STK26: variants seen among roughly 807,000 people sequenced by gnomAD.
STK26 encodes serine/threonine kinase 26.
A neutral mutation model predicts 34.7 loss-of-function variants in STK26; 14 were observed. The ratio of observed to expected loss-of-function variants is 0.40; its 90% CI spans 0.27 to 0.63. The LOEUF (loss-of-function observed/expected upper bound fraction) is 0.63, where lower values mean the gene tolerates loss of function less well. Among genes scored for constraint, STK26 ranks in the 30% least tolerant of loss-of-function variants. The probability of loss-of-function intolerance (pLI) is 0.38; values close to 1 mark genes in which losing one functional copy is unlikely to be tolerated. For missense variants in STK26, 226 were observed against 309.1 expected, an observed-to-expected ratio of 0.73 and a Z score of 2.02; for synonymous variants, 100 against 109.8, an observed-to-expected ratio of 0.91 and a Z score of 0.56.
At chrX:132,068,180 ATATGTG>A in intron 4 of STK26, 29 bp from the exon 5 acceptor site, 1 of 1,076,003 alleles carries the variant, frequency 9.3e-7, no homozygotes, top group Non-Finnish European at 1.3e-6. Context: ...ACTTTTACAC[ATATGTG>A]TATGTGTGTG....
In STK26 at chrX:132,072,948, C is replaced by CT; in HGVS notation, c.1090-6dup. The CT allele has an allele frequency of 8.3e-7, 1 of 1,207,402 alleles. No individual in the cohort carries two copies. Among genetic ancestry groups the CT allele is most frequent in the African/African-American group, 1.7e-5 (1 of 57,507 alleles). ...TATTTTAAATGTTTTAACTATTATT[C>CT]TTTCTCAGCTTAAACAGCAGGACGA... On this transcript the variant is annotated splice_polypyrimidine_tract_variant and intron_variant, in intron 10 of 11. Transcript: ENST00000394334.
intron 2 of STK26, among the ~76,000 whole-genome samples, chrX:132,035,366 T>G: frequency 9.0e-6 from 1 of 111,657 alleles, no homozygotes; most frequent in Non-Finnish European, 1.9e-5. Context: ...TAGTTATCAT[T>G]GGCCCATGTG....
intron 3 of STK26, among the ~76,000 whole-genome samples, chrX:132,056,596 G>T (rs1926867415): frequency 9.0e-6 from 1 of 111,266 alleles, no homozygotes; most frequent in Admixed American, 9.5e-5. Flanking sequence ...GTCTGCTTGT[G>T]GGCCCACTTG....
At chrX:132,024,463 A>G (rs772299059) in intron 2 of STK26, among the ~76,000 whole-genome samples, 7 of 111,762 alleles carry the variant, frequency 6.3e-5, no homozygotes, top group Non-Finnish European at 1.1e-4. Context: ...AAAACTTTTT[A>G]TGCTGTTATG....
chrX:132,037,656 G>A (rs1390788481), intron 2 of STK26, among the ~76,000 whole-genome samples: 2 of 109,612 alleles, frequency 1.8e-5, no homozygotes, highest in African/African-American at 6.6e-5. Context: ...TTATTTTGAA[G>A]CTCAAGTTGT....
rs766997625 is a variant in STK26, at chrX:132,069,576, C to T, written c.696C>T (p.Pro232=). The T allele has an allele frequency of 5.9e-6, 7 of 1,183,477 alleles. No homozygotes were observed. The highest frequency in any genetic ancestry group is 7.9e-6 in the Non-Finnish European group (7 of 881,461). ...CAATGAGAGTTCTGTTTCTTATTCC[C>T]AAAAACAATCCTCCAACTCTTGTTG... ...MHPMRVLFLI[P]KNNPPTLVGD... The change falls in exon 7 of 12, where the codon CCC becomes CCT. Residue 232 remains proline (P), a synonymous_variant. Transcript: ENST00000394334.
intron 9 of STK26, 131 bp downstream of exon 9, chrX:132,072,492 C>A: frequency 1.8e-6 from 1 of 541,917 alleles, no homozygotes; most frequent in Non-Finnish European, 3.0e-6. Context: ...TTGTAGTATG[C>A]TTCATTTGTC....
At chrX:132,068,381 T>G in intron 5 of STK26, 31 bp from the exon 6 acceptor site, 1 of 1,180,933 alleles carries the variant, frequency 8.5e-7, no homozygotes, top group Non-Finnish European at 1.1e-6. Flanking sequence ...GCAAGCTGAG[T>G]TTTTTTTTGC....
At chrX:132,031,925 C>T (rs183906123) in intron 2 of STK26, among the ~76,000 whole-genome samples, 1 of 111,849 alleles carries the variant, frequency 8.9e-6, no homozygotes, top group Non-Finnish European at 1.9e-5. Flanking sequence ...ACTCTACCCA[C>T]GATCCCCTTT....
rs61494612 is a variant in STK26, at chrX:132,035,832, T to TACACACACAC, written c.42+12208_42+12217dup. Among the ~76,000 whole-genome samples the TACACACACAC allele has an allele frequency of 4.9e-3, 386 of 78,196 alleles. 2 individuals carry two copies. Among genetic ancestry groups the TACACACACAC allele is most frequent in the South Asian group, 0.025 (32 of 1,274 alleles). 67.9% of individuals were successfully genotyped at this position (78,196 alleles called of 115,157 possible). A position where few individuals can be genotyped will look rare whatever the true frequency, so the allele number is the denominator to read the frequency against. On this transcript the variant is annotated intron_variant, in intron 2 of 11. Transcript: ENST00000394334. ...ACCAGACTTAATAGCTCTGGCTGCA[T>TACACACACAC]ACACACACACACACACACACACACA...
intron 2 of STK26, among the ~76,000 whole-genome samples, chrX:132,033,794 G>A (rs1050670817): frequency 2.7e-5 from 3 of 111,095 alleles, no homozygotes; most frequent in Non-Finnish European, 5.7e-5. Flanking sequence ...GAGTCCTTGA[G>A]CTCAAGAAGT....
At chrX:132,058,905 A>G (rs1860232651) in intron 3 of STK26, among the ~76,000 whole-genome samples, 1 of 109,295 alleles carries the variant, frequency 9.1e-6, no homozygotes, top group South Asian at 3.9e-4. Flanking sequence ...AAGTAAATAA[A>G]TCTGTGTGTA....
Position 132,069,410 on chromosome X carries a change from C to CATATAT in STK26, c.598-31_598-26dup, listed in dbSNP as rs57609807. On this transcript the variant is annotated intron_variant, in intron 6 of 11. Transcript: ENST00000394334. ...TTTCAAGGTGATATACATACATACACATATATATATATATATATATATATA... is the reference window on the plus strand; with the variant it reads ...TTTCAAGGTGATATACATACATACACATATATATATATATATATATATATATATATA... 900 of 93,587 alleles carry CATATAT rather than the reference C, an allele frequency of 9.6e-3. 6 individuals are homozygous for CATATAT. The highest frequency in any genetic ancestry group is 0.011 in the Non-Finnish European group (658 of 58,732). The allele number at this position is 93,587 out of a possible 1,213,427, so 7.7% of individuals were successfully genotyped here.
chrX:132,025,564 C>G (rs1386520744), intron 2 of STK26, among the ~76,000 whole-genome samples: 3 of 110,034 alleles, frequency 2.7e-5, no homozygotes, highest in Admixed American at 1.9e-4. Context: ...GCCTTTCACT[C>G]TGTGCCCTCT....
At chrX:132,055,525 G>C in intron 3 of STK26, 1 of 1,145,999 alleles carries the variant, frequency 8.7e-7, no homozygotes, top group Non-Finnish European at 1.2e-6. Flanking sequence ...AAAACTGGTT[G>C]GTAAAACCCA....
chrX:132,027,741 G>A (rs951386931), intron 2 of STK26, among the ~76,000 whole-genome samples: 6 of 111,793 alleles, frequency 5.4e-5, no homozygotes, highest in African/African-American at 2.0e-4. Flanking sequence ...TCTGAGTAAG[G>A]GAGACTCAAT....
intron 2 of STK26, among the ~76,000 whole-genome samples, chrX:132,037,150 T>C (rs1326287441): frequency 8.9e-6 from 1 of 112,417 alleles, no homozygotes; most frequent in Non-Finnish European, 1.9e-5. Flanking sequence ...TGTAGAATTC[T>C]TTACCTCATT....
intron 9 of STK26, 48 bp from the exon 10 acceptor site, chrX:132,072,765 G>T: frequency 8.9e-7 from 1 of 1,128,586 alleles, no homozygotes; most frequent in South Asian, 1.9e-5. Flanking sequence ...AGAAAATCAT[G>T]ACACTTATTT....
intron 2 of STK26, 48 bp downstream of exon 2, chrX:132,023,707 C>T (rs1303851010): frequency 1.7e-6 from 2 of 1,152,653 alleles, no homozygotes; most frequent in Middle Eastern, 3.0e-4. Flanking sequence ...TGCTTGGGAG[C>T]CCGGTGCGCC....
Sources: allele counts gnomAD v4.1 joint callset (sites outside exome capture counted in the v4.1 genomes callset), GRCh38; gene constraint gnomAD v4.1.1; transcripts MANE v1.5; gene names NCBI Gene and HGNC (gene_info 2026-07-23, HGNC 2026-07-21).